SPAG9: variants seen among roughly 807,000 people sequenced by gnomAD.
SPAG9 encodes C-Jun-amino-terminal kinase-interacting protein 4.
SPAG9 carries 35 observed loss-of-function variants against 166.5 expected under a neutral mutation model. That is an observed-to-expected ratio of 0.21 (90% CI 0.16 to 0.28). The LOEUF (loss-of-function observed/expected upper bound fraction) is 0.28. SPAG9 is among the 10% of genes least tolerant of loss of function. SPAG9 has a pLI of 1.00. For missense variants in SPAG9, 1,235 were observed against 1,603.3 expected (o/e 0.77, Z 3.92); for synonymous variants, 534 against 565.5 (o/e 0.94, Z 0.79).
chr17:51,047,365 C>A lies in SPAG9; in HGVS notation c.590+10G>T, dbSNP rs368087938. The A allele has an allele frequency of 5.7e-5, 84 of 1,460,914 alleles. No homozygotes were observed. Among genetic ancestry groups the A allele is most frequent in the Non-Finnish European group, 6.9e-5 (74 of 1,065,684 alleles). 90.5% of individuals were successfully genotyped at this position (1,460,914 alleles called of 1,614,324 possible). On this transcript the variant is annotated intron_variant, in intron 4 of 29. Transcript: ENST00000262013. ...CTTTTTCTCAAGGCAAAATATATAACAAAGCTTACCTAATTCTACTATGAG... is the reference window on the plus strand; with the variant it reads ...CTTTTTCTCAAGGCAAAATATATAAAAAAGCTTACCTAATTCTACTATGAG...
At chr17:50,983,459 CT>C (rs1179135032) in intron 24 of SPAG9, among the ~76,000 whole-genome samples, 3 of 152,176 alleles carry the variant, frequency 2.0e-5, no homozygotes, top group Non-Finnish European at 4.4e-5. Context: ...AATATGCTGT[CT>C]TTATCTAGCC....
In SPAG9 at chr17:51,011,633, T is replaced by C. The variant is rs572754593; in HGVS notation, c.1213+2599A>G. Among the ~76,000 whole-genome samples the C allele has an allele frequency of 2.6e-5, 4 of 152,270 alleles. No individual in the cohort carries two copies. The South Asian group carries it at 8.3e-4, about 32-fold the overall frequency. On this transcript the variant is annotated intron_variant, in intron 9 of 29. Coordinates refer to ENST00000262013, the MANE Select transcript of SPAG9 (RefSeq NM_001130528.3). ...CCTGACCTCAGGTGATCTGCCCACC[T>C]CGGTCTCCCAAAGAGCTGGGATTAC...
chr17:50,978,271 A>T (rs1367904579), intron 26 of SPAG9, among the ~76,000 whole-genome samples: 1 of 152,204 alleles, frequency 6.6e-6, no homozygotes, highest in South Asian at 2.1e-4. Context: ...ATTCAGCCTA[A>T]CCTAGGAACC....
At chr17:51,086,783 G>T (rs760761395) in intron 1 of SPAG9, among the ~76,000 whole-genome samples, 1 of 152,052 alleles carries the variant, frequency 6.6e-6, no homozygotes, top group Non-Finnish European at 1.5e-5. Context: ...TTAGCTGGGC[G>T]TGGTGGCAGG....
intron 5 of SPAG9, among the ~76,000 whole-genome samples, chr17:51,037,684 T>G (rs200981184): frequency 0.16 from 13,239 of 83,010 alleles, 1,160 homozygotes; most frequent in Middle Eastern, 0.34. Context: ...TATATATATA[T>G]AGTGTGTGTG....
At chr17:51,060,590 G>A (rs2047483225) in intron 2 of SPAG9, among the ~76,000 whole-genome samples, 2 of 151,040 alleles carry the variant, frequency 1.3e-5, no homozygotes, top group Non-Finnish European at 2.9e-5. Flanking sequence ...TGATCCAACA[G>A]GGCTGGTATC....
rs781364678 is a variant in SPAG9 at position 51,047,348 on chromosome 17, C to T, written c.590+27G>A. 21 of 1,278,214 alleles carry T rather than the reference C, an allele frequency of 1.6e-5. 1 individual carries two copies. The highest frequency in any genetic ancestry group is 2.2e-5 in the Non-Finnish European group (20 of 908,994). The allele number at this position is 1,278,214 out of a possible 1,614,324, so 79.2% of individuals were successfully genotyped here. ...ACATATTATTTATTTTACTTTTTCTCAAGGCAAAATATATAACAAAGCTTA... is the reference window on the plus strand; with the variant it reads ...ACATATTATTTATTTTACTTTTTCTTAAGGCAAAATATATAACAAAGCTTA... On this transcript the variant is annotated intron_variant, in intron 4 of 29. Coordinates refer to ENST00000262013, the MANE Select transcript of SPAG9 (RefSeq NM_001130528.3).
At chr17:51,050,164 T>C (rs2047142816) in intron 3 of SPAG9, among the ~76,000 whole-genome samples, 1 of 152,218 alleles carries the variant, frequency 6.6e-6, no homozygotes, top group Non-Finnish European at 1.5e-5. Context: ...TAATTACAGA[T>C]ATAGTATTCT....
chr17:51,107,927 G>A (rs978227031), intron 1 of SPAG9, among the ~76,000 whole-genome samples: 3 of 151,402 alleles, frequency 2.0e-5, no homozygotes, highest in Non-Finnish European at 4.4e-5. Flanking sequence ...AAAAAAAAAG[G>A]GAGGGGGGCA....
At chr17:51,052,519 C>T (rs1030404382) in intron 3 of SPAG9, among the ~76,000 whole-genome samples, 2 of 151,916 alleles carry the variant, frequency 1.3e-5, no homozygotes, top group East Asian at 1.9e-4. Flanking sequence ...TTTTGGGCGG[C>T]GTGGGAAATC....
chr17:51,040,430 T>C (rs1321660055), intron 5 of SPAG9: 1 of 152,086 alleles, frequency 6.6e-6, no homozygotes, highest in African/African-American at 2.4e-5. Flanking sequence ...CTGCTTACTG[T>C]TTTGAGCACA....
Position 50,981,758 on chromosome 17 carries a change from C to T in SPAG9, c.3237+766G>A, listed in dbSNP as rs1240740843. Among the ~76,000 whole-genome samples, 3 of 149,646 alleles carry T rather than the reference C, an allele frequency of 2.0e-5. No homozygotes were observed. In the East Asian group the frequency reaches 5.8e-4, roughly 29 times the overall value. On this transcript the variant is annotated intron_variant, in intron 25 of 29. Transcript: ENST00000262013. ...CGTAAGAAAACAATGCTAGGCCGGA[C>T]GCGGTGGCTCATGCCTTAACCCCAG...
intron 1 of SPAG9, among the ~76,000 whole-genome samples, chr17:51,098,548 A>T (rs2048708257): frequency 6.6e-6 from 1 of 152,038 alleles, no homozygotes; most frequent in African/African-American, 2.4e-5. Context: ...GTTGGAGTGC[A>T]GTGGTGTGAT....
chr17:51,076,601 T>C (rs1450683943), intron 2 of SPAG9, among the ~76,000 whole-genome samples: 1 of 151,912 alleles, frequency 6.6e-6, no homozygotes, highest in African/African-American at 2.4e-5. Context: ...CTAGGCATGG[T>C]GGTGCATGCC....
At chr17:51,085,878 A>G (rs1231866878) in intron 1 of SPAG9, among the ~76,000 whole-genome samples, 1 of 152,100 alleles carries the variant, frequency 6.6e-6, no homozygotes, top group Non-Finnish European at 1.5e-5. Context: ...GTTCTAAAAG[A>G]AATCAAGGAG....
Position 50,993,773 on chromosome 17 carries a change from T to G in SPAG9, c.2389A>C (p.Ser797Arg). 1 of 1,613,968 alleles carries G rather than the reference T, an allele frequency of 6.2e-7. No homozygotes were observed. The highest frequency in any genetic ancestry group is 8.5e-7 in the Non-Finnish European group (1 of 1,179,874). The change falls in exon 19 of 30, where the codon AGT becomes CGT. Residue 797 changes from serine to arginine, a missense_variant. Ser to Arg is a moderately radical substitution (Grantham distance 110). Coordinates refer to ENST00000262013, the MANE Select transcript of SPAG9 (RefSeq NM_001130528.3). ...CATGACTCACTCTTACCTGGCACAC[T>G]TGCAATGCACAGAACATGAGAGTTG... ...VCNSHVLCIA[S>R]VPGARETDYP...
At chr17:51,094,513 G>A (rs1027076668) in intron 1 of SPAG9, among the ~76,000 whole-genome samples, 14 of 152,148 alleles carry the variant, frequency 9.2e-5, no homozygotes, top group Non-Finnish European at 1.5e-5. Flanking sequence ...ATGAATTGAC[G>A]AATCCAGCAC....
chr17:51,104,387 A>G (rs1598188535), intron 1 of SPAG9, among the ~76,000 whole-genome samples: 1 of 152,322 alleles, frequency 6.6e-6, no homozygotes, highest in East Asian at 1.9e-4. Context: ...CTGTAATTCT[A>G]GCACTTTGGG....
chr17:50,999,511 AG>A, intron 14 of SPAG9, 149 bp downstream of exon 14: 1 of 1,483,506 alleles, frequency 6.7e-7, no homozygotes, highest in Non-Finnish European at 8.9e-7. Context: ...AAAAAAAAAA[AG>A]TTCAGTTTAG....
Sources: allele counts gnomAD v4.1 joint callset (sites outside exome capture counted in the v4.1 genomes callset), GRCh38; gene constraint gnomAD v4.1.1; transcripts MANE v1.5; gene names NCBI Gene and HGNC (gene_info 2026-07-23, HGNC 2026-07-21).